The following SEMA4D variants were observed in gnomAD, a reference collection of about 807,000 sequenced individuals.
SEMA4D encodes the protein semaphorin 4D.
In SEMA4D, 22 loss-of-function variants were observed where a neutral mutation model predicts 74.8. The observed-to-expected ratio is 0.29, with a 90% confidence interval of 0.21 to 0.42. SEMA4D has a LOEUF of 0.42. Ranked by LOEUF, SEMA4D falls within the 10% of genes least tolerant of loss-of-function variation. The probability of loss-of-function intolerance (pLI) is 1.00; values close to 1 mark genes in which losing one functional copy is unlikely to be tolerated. For synonymous variants in SEMA4D, 445 were observed against 463.7 expected (o/e 0.96, Z 0.52); for missense variants, 937 against 1,118.4 (o/e 0.84, Z 2.31).
rs1004626238 is a variant in SEMA4D, at chr9:89,496,754, T to C, written c.-310+1165A>G. On this transcript the variant is annotated intron_variant, in intron 1 of 15. Transcript: ENST00000422704. ...CTGGGACACAGTAAACATTCCCAAATAACCTCGCCTGGGCAGCCAGCAGGC... is the reference window on the plus strand; with the variant it reads ...CTGGGACACAGTAAACATTCCCAAACAACCTCGCCTGGGCAGCCAGCAGGC... Among the ~76,000 whole-genome samples, 107 of 152,168 alleles carry C rather than the reference T, an allele frequency of 7.0e-4. 1 individual carries two copies. Among genetic ancestry groups the C allele is most frequent in the Admixed American group, 2.0e-4 (3 of 15,284 alleles).
chr9:89,386,996 G>C (rs994263193), intron 12 of SEMA4D, among the ~76,000 whole-genome samples: 1 of 152,196 alleles, frequency 6.6e-6, no homozygotes, highest in African/African-American at 2.4e-5. Flanking sequence ...CTGGCTCCTC[G>C]GCCAGGAAGC....
At chr9:89,449,440 C>T (rs1040784698) in intron 2 of SEMA4D, 50 of 608,620 alleles carry the variant, frequency 8.2e-5, no homozygotes, top group Non-Finnish European at 1.2e-4. Flanking sequence ...ACTAAGTTCG[C>T]GGCTTTCGCT....
At chr9:89,386,082 C>T (rs183105861) in intron 13 of SEMA4D, 3 of 985,182 alleles carry the variant, frequency 3.0e-6, no homozygotes, top group South Asian at 4.7e-5. Flanking sequence ...TGGAGCAGTG[C>T]CCACCTCTCC....
At chr9:89,385,099 G>A (rs1838139311) in intron 13 of SEMA4D, 1 of 963,308 alleles carries the variant, frequency 1.0e-6, no homozygotes, top group African/African-American at 1.8e-5. Context: ...CTGCCCTGGT[G>A]TGGCCATGTG....
At chr9:89,442,092 CT>C (rs1851784071) in intron 2 of SEMA4D, among the ~76,000 whole-genome samples, 1 of 147,568 alleles carries the variant, frequency 6.8e-6, no homozygotes, top group Non-Finnish European at 1.5e-5. Context: ...CTGATCACCC[CT>C]CCCCATCATC....
intron 4 of SEMA4D, among the ~76,000 whole-genome samples, chr9:89,401,834 G>A (rs1371423234): frequency 2.6e-5 from 4 of 152,090 alleles, no homozygotes; most frequent in Non-Finnish European, 5.9e-5. Context: ...CCTTTTATAC[G>A]ATTTCCAGCT....
At chr9:89,421,511 C>G (rs905388355) in intron 2 of SEMA4D, among the ~76,000 whole-genome samples, 7 of 152,170 alleles carry the variant, frequency 4.6e-5, no homozygotes, top group South Asian at 2.1e-4. Context: ...GGATATACCC[C>G]ATGTGTGCAA....
At chr9:89,489,571 A>C (rs550123247) in intron 1 of SEMA4D, among the ~76,000 whole-genome samples, 1 of 152,334 alleles carries the variant, frequency 6.6e-6, no homozygotes, top group East Asian at 1.9e-4. Context: ...GCCCATTCTG[A>C]ACATTTCATA....
At position 89,465,978 on chromosome 9, in the gene SEMA4D, C is replaced by T. The variant is rs551352941; in HGVS notation, c.-309-10025G>A. 2.8e-4 allele frequency among the ~76,000 whole-genome samples: 42 copies of T among 152,348 alleles called. No homozygotes were observed. In the South Asian group the frequency reaches 8.3e-3, roughly 30 times the overall value. On this transcript the variant is annotated intron_variant, in intron 1 of 15. Coordinates refer to ENST00000422704, the MANE Select transcript of SEMA4D (RefSeq NM_001371194.2). ...TGTCTAGAGATGGTGTCAGGAGTGA[C>T]TCCTGCATTTCTTGGAGGCAGGGGG...
intron 16 of SEMA4D, chr9:89,369,249 A>G (rs11507706): frequency 0.95 from 144,496 of 152,328 alleles, 68,611 homozygotes; most frequent in East Asian, 1. Context: ...GGCCCTCTCC[A>G]GAGCCCTGGG....
chr9:89,377,176 C>A, downstream of SEMA4D: 1 of 1,404,542 alleles, frequency 7.1e-7, no homozygotes, highest in Non-Finnish European at 9.3e-7. Context: ...AGCTGTCCCG[C>A]CTGGGCCATG....
intron 2 of SEMA4D, among the ~76,000 whole-genome samples, chr9:89,454,758 A>G (rs1038669072): frequency 6.6e-6 from 1 of 152,208 alleles, no homozygotes; most frequent in Non-Finnish European, 1.5e-5. Context: ...TGCACAGCAC[A>G]AGGACATGTC....
At chr9:89,405,884 C>T in intron 2 of SEMA4D, 185 bp from the exon 3 acceptor site, 1 of 1,225,922 alleles carries the variant, frequency 8.2e-7, no homozygotes, top group Non-Finnish European at 1.0e-6. Context: ...GAAAGCGAAG[C>T]CAGGGTCTTC....
At chr9:89,433,131 C>T (rs1438514410) in intron 2 of SEMA4D, among the ~76,000 whole-genome samples, 1 of 152,236 alleles carries the variant, frequency 6.6e-6, no homozygotes, top group African/African-American at 2.4e-5. Flanking sequence ...GGGCAAAAGC[C>T]AGCTCTTCAC....
intron 1 of SEMA4D, among the ~76,000 whole-genome samples, chr9:89,490,743 T>C (rs1757002444): frequency 6.6e-6 from 1 of 152,226 alleles, no homozygotes; most frequent in South Asian, 2.1e-4. Context: ...AACTGTCAAA[T>C]ATATGCTCCC....
Position 89,382,505 on chromosome 9 carries a change from G to A in SEMA4D, c.1447-1159C>T, listed in dbSNP as rs531877360. 1.4e-3 allele frequency among the ~76,000 whole-genome samples: 208 copies of A among 152,230 alleles called. 1 individual carries two copies. The highest frequency in any genetic ancestry group is 4.8e-3 in the African/African-American group (200 of 41,556). Reference sequence around the variant, plus strand: ...TCCAGCTGTGCGGACACAGACCCACGAGAGAAAGGGAAAGCCCCCAAGGAT... The same window carrying A: ...TCCAGCTGTGCGGACACAGACCCACAAGAGAAAGGGAAAGCCCCCAAGGAT... On this transcript the variant is annotated intron_variant, in intron 13 of 15. Coordinates refer to ENST00000422704, the MANE Select transcript of SEMA4D (RefSeq NM_001371194.2).
At chr9:89,485,619 T>G (rs1179366619) in intron 1 of SEMA4D, among the ~76,000 whole-genome samples, 1 of 151,662 alleles carries the variant, frequency 6.6e-6, no homozygotes, top group African/African-American at 2.4e-5. Context: ...AGAAACCCCA[T>G]CTCTACTAAA....
intron 1 of SEMA4D, among the ~76,000 whole-genome samples, chr9:89,460,116 T>TC (rs1254324391): frequency 3.3e-5 from 5 of 152,028 alleles, no homozygotes; most frequent in Non-Finnish European, 7.4e-5. Context: ...GCACGATGCA[T>TC]CCCCCGCCTG....
chr9:89,447,768 C>T (rs1192592318), intron 2 of SEMA4D, among the ~76,000 whole-genome samples: 2 of 150,564 alleles, frequency 1.3e-5, no homozygotes, highest in African/African-American at 2.4e-5. Flanking sequence ...CCTGACTCTG[C>T]CTCAGCCCAC....
Sources: gnomAD v4.1 joint callset for allele counts (sites outside exome capture counted in the v4.1 genomes callset) on GRCh38, gnomAD v4.1.1 for gene constraint, MANE v1.5 for transcripts, NCBI Gene and HGNC (gene_info 2026-07-23, HGNC 2026-07-21) for gene names.